Variants in PLA2G5 observed in about 807,000 individuals in gnomAD.
PLA2G5 encodes the protein phospholipase A2 group V.
A neutral mutation model predicts 15.9 loss-of-function variants in PLA2G5; 12 were observed. The ratio of observed to expected loss-of-function variants is 0.76; its 90% confidence interval spans 0.48 to 1.23. The LOEUF is 1.23. Among genes scored for constraint, PLA2G5 ranks in the 50% most tolerant of loss-of-function variants. PLA2G5 has a pLI of 0.00. For missense variants in PLA2G5, 169 were observed against 177.1 expected (o/e 0.95, Z 0.26); for synonymous variants, 71 against 71.4 (o/e 0.99, Z 0.03).
At position 20,074,772 on chromosome 1, in the gene PLA2G5, C is replaced by T. The variant is rs190803980; in HGVS notation, c.-11+4307C>T. 5.9e-5 allele frequency among the ~76,000 whole-genome samples: 9 copies of T among 152,346 alleles called. No individual in the cohort carries two copies. The East Asian group carries it at 1.5e-3, about 26-fold the overall frequency. On this transcript the variant is annotated intron_variant, in intron 1 of 4. Transcript: ENST00000375108. ...ATTGAGCCAAAATCTGACTGCTTAG[C>T]GCGTCCGTGCCTGGTGGGTGTTGGT...
intron 1 of PLA2G5, among the ~76,000 whole-genome samples, chr1:20,032,262 C>T (rs1037044204): frequency 1.4e-4 from 22 of 152,014 alleles, no homozygotes; most frequent in Admixed American, 6.5e-4. Context: ...GAAACAAATG[C>T]TCGCCTGTTG....
At chr1:20,039,858 G>T (rs964947113) in intron 1 of PLA2G5, among the ~76,000 whole-genome samples, 1 of 152,126 alleles carries the variant, frequency 6.6e-6, no homozygotes, top group African/African-American at 2.4e-5. Flanking sequence ...CTTAAACTTA[G>T]GTTTATAATG....
At chr1:20,057,186 T>C (rs1031873032) in intron 1 of PLA2G5, among the ~76,000 whole-genome samples, 1 of 152,136 alleles carries the variant, frequency 6.6e-6, no homozygotes, top group East Asian at 1.9e-4. Context: ...CTTTTCTCTA[T>C]TGATGTCCTA....
chr1:20,077,453 C>T (rs1025271796), intron 1 of PLA2G5, among the ~76,000 whole-genome samples: 1 of 152,166 alleles, frequency 6.6e-6, no homozygotes, highest in African/African-American at 2.4e-5. Context: ...CCAGAGGAGT[C>T]GTGCATTCAC....
At chr1:20,042,751 T>G (rs1055386695) in intron 1 of PLA2G5, among the ~76,000 whole-genome samples, 2 of 152,086 alleles carry the variant, frequency 1.3e-5, no homozygotes, top group African/African-American at 4.8e-5. Flanking sequence ...TAGAAGGGGT[T>G]GGGGTTTGGG....
chr1:20,042,952 G>T (rs1569653619), intron 1 of PLA2G5, among the ~76,000 whole-genome samples: 1 of 152,110 alleles, frequency 6.6e-6, no homozygotes, highest in African/African-American at 2.4e-5. Context: ...AAAGTAGAAG[G>T]TTGTCAAAAT....
upstream of PLA2G5, among the ~76,000 whole-genome samples, chr1:20,068,308 C>A (rs2100513978): frequency 6.6e-6 from 1 of 151,854 alleles, no homozygotes; most frequent in East Asian, 1.9e-4. Context: ...AGTGTAAAAC[C>A]CCGAAATTTA....
intron 1 of PLA2G5, among the ~76,000 whole-genome samples, chr1:20,048,423 A>G (rs1458092389): frequency 1.3e-5 from 2 of 152,196 alleles, no homozygotes; most frequent in African/African-American, 4.8e-5. Context: ...CCAAGCCCCA[A>G]TCAGAATGAT....
chr1:20,040,592 A>T (rs2100333016), intron 1 of PLA2G5, among the ~76,000 whole-genome samples: 1 of 152,134 alleles, frequency 6.6e-6, no homozygotes, highest in African/African-American at 2.4e-5. Context: ...ACACACACAC[A>T]CACACACACA....
chr1:20,089,656 AGATCCTCCCT>A, intron 3 of PLA2G5, 123 bp from the exon 4 acceptor site: 1 of 668,086 alleles, frequency 1.5e-6, no homozygotes, highest in South Asian at 1.7e-5. Flanking sequence ...TCACACTACC[AGATCCTCCCT>A]GCCACATCGC....
chr1:20,077,528 C>A (rs1376139261), intron 1 of PLA2G5, among the ~76,000 whole-genome samples: 1 of 152,112 alleles, frequency 6.6e-6, no homozygotes, highest in Non-Finnish European at 1.5e-5. Context: ...GAAGCAGACG[C>A]AGAGCCTACC....
intron 1 of PLA2G5, among the ~76,000 whole-genome samples, chr1:20,082,035 AGT>A (rs2016058568): frequency 6.6e-6 from 1 of 150,828 alleles, no homozygotes; most frequent in African/African-American, 2.4e-5. Flanking sequence ...CTGGTGACAG[AGT>A]GAGACAAAAA....
chr1:20,076,064 G>A (rs1557747488), intron 1 of PLA2G5, among the ~76,000 whole-genome samples: 1 of 152,048 alleles, frequency 6.6e-6, no homozygotes, highest in East Asian at 1.9e-4. Context: ...GTAGAGACAG[G>A]GTTTCACCTC....
At chr1:20,036,930 G>T (rs1319527043) in intron 1 of PLA2G5, among the ~76,000 whole-genome samples, 1 of 152,178 alleles carries the variant, frequency 6.6e-6, no homozygotes, top group Non-Finnish European at 1.5e-5. Context: ...CTCCCAAACT[G>T]CTGGGATTAC....
chr1:20,067,741 G>T (rs2100510088), upstream of PLA2G5, among the ~76,000 whole-genome samples: 1 of 151,810 alleles, frequency 6.6e-6, no homozygotes, highest in African/African-American at 2.4e-5. Context: ...GGCAAGTGTA[G>T]AAAAATAGAT....
intron 1 of PLA2G5, among the ~76,000 whole-genome samples, chr1:20,075,620 G>A (rs1465390661): frequency 6.6e-6 from 1 of 152,220 alleles, no homozygotes; most frequent in East Asian, 1.9e-4. Flanking sequence ...TCCATGGTGT[G>A]CAGCTTGTAT....
intron 4 of PLA2G5, 57 bp downstream of exon 4, chr1:20,089,952 C>G (rs2016487613): frequency 7.9e-7 from 1 of 1,268,236 alleles, no homozygotes; most frequent in Non-Finnish European, 1.1e-6. Flanking sequence ...TTAAGTTCAG[C>G]TGCCCTAGAG....
intron 2 of PLA2G5, 58 bp from the exon 3 acceptor site, chr1:20,086,025 G>T: frequency 6.3e-7 from 1 of 1,588,654 alleles, no homozygotes; most frequent in Non-Finnish European, 8.6e-7. Context: ...TTGGGCAGTG[G>T]GCCTAAAGCA....
intron 2 of PLA2G5, among the ~76,000 whole-genome samples, chr1:20,085,140 T>C (rs567420017): frequency 2.0e-5 from 3 of 152,308 alleles, no homozygotes; most frequent in African/African-American, 7.2e-5. Flanking sequence ...ATAGAGGTTA[T>C]GTGGCTGGCA....
Sources: gnomAD v4.1 joint callset for allele counts (sites outside exome capture counted in the v4.1 genomes callset) on GRCh38, gnomAD v4.1.1 for gene constraint, MANE v1.5 for transcripts, NCBI Gene and HGNC (gene_info 2026-07-23, HGNC 2026-07-21) for gene names.